The following PRKAG2 variants were observed in gnomAD, a reference collection of about 807,000 sequenced individuals.
The protein encoded by PRKAG2 is 5'-AMP-activated protein kinase subunit gamma-2.
Under a neutral mutation model 69.6 loss-of-function variants are expected in PRKAG2, and 26 were observed. The observed-to-expected ratio is 0.37, with a 90% confidence interval of 0.27 to 0.52. The LOEUF (loss-of-function observed/expected upper bound fraction) is 0.52, where lower values mean the gene tolerates loss of function less well. PRKAG2 is among the 20% of genes least tolerant of loss of function. The probability of loss-of-function intolerance (pLI) is 0.90; values close to 1 mark genes in which losing one functional copy is unlikely to be tolerated. For missense variants in PRKAG2, 557 were observed against 740.0 expected, an observed-to-expected ratio of 0.75 and a Z score of 2.87; for synonymous variants, 293 against 285.0, an observed-to-expected ratio of 1.03 and a Z score of -0.28.
In PRKAG2 at chr7:151,574,773, C is replaced by T. The variant is rs1207134432; in HGVS notation, c.1005+118G>A. Reference sequence around the variant, plus strand: ...GATTTGGAAAATCACCATCAGCACACCATACCAAAAAAGAAAAAACTGAAA... The same window carrying T: ...GATTTGGAAAATCACCATCAGCACATCATACCAAAAAAGAAAAAACTGAAA... On this transcript the variant is annotated intron_variant, in intron 8 of 15. Transcript: ENST00000287878. 2.1e-6 allele frequency: 3 copies of T among 1,451,752 alleles called. No individual in the cohort carries two copies. In the African/African-American group the frequency reaches 4.3e-5, roughly 21 times the overall value. 89.9% of individuals were successfully genotyped at this position (1,451,752 alleles called of 1,614,324 possible). A position where few individuals can be genotyped will look rare whatever the true frequency, so the allele number is the denominator to read the frequency against.
At chr7:151,603,154 C>T (rs1262763765) in intron 5 of PRKAG2, among the ~76,000 whole-genome samples, 1 of 149,136 alleles carries the variant, frequency 6.7e-6, no homozygotes, top group Non-Finnish European at 1.5e-5. Context: ...CGGAGGGACA[C>T]GCTCCGTCCT....
At chr7:151,764,461 T>G (rs926433556) in intron 3 of PRKAG2, among the ~76,000 whole-genome samples, 2 of 152,194 alleles carry the variant, frequency 1.3e-5, no homozygotes, top group African/African-American at 4.8e-5. Flanking sequence ...TGCTGACACC[T>G]GAGCTGAGGG....
Position 151,814,287 on chromosome 7 carries a change from G to A in PRKAG2, c.115-27746C>T. The A allele has an allele frequency of 3.4e-6, 2 of 580,808 alleles. No individual in the cohort carries two copies. The highest frequency in any genetic ancestry group is 6.1e-5 in the East Asian group (1 of 16,440). 36.0% of individuals were successfully genotyped at this position (580,808 alleles called of 1,614,324 possible). A position where few individuals can be genotyped will look rare whatever the true frequency, so the allele number is the denominator to read the frequency against. ...TCTGATTTAATAAGAGGCTCTTGGA[G>A]AACAAAGCCACAATTCAGCATCAGT... On this transcript the variant is annotated intron_variant, in intron 1 of 15. Coordinates refer to ENST00000287878, the MANE Select transcript of PRKAG2 (RefSeq NM_016203.4). This position sits in a 1 kb window ranked among gnomAD's most constrained non-coding sequence, Gnocchi z 4.8.
At chr7:151,565,943 A>G (rs943100082) in intron 11 of PRKAG2, 58 bp from the exon 12 acceptor site, 2 of 1,549,954 alleles carry the variant, frequency 1.3e-6, no homozygotes, top group Non-Finnish European at 1.8e-6. Context: ...GTCATGTTCA[A>G]AGGTCCAGAT....
chr7:151,598,012 T>A (rs915207153), intron 5 of PRKAG2, among the ~76,000 whole-genome samples: 1 of 152,166 alleles, frequency 6.6e-6, no homozygotes, highest in Admixed American at 6.5e-5. Flanking sequence ...TGCACTGCCA[T>A]GTTGAGTGCA....
At chr7:151,636,068 G>T (rs1825690570) in intron 4 of PRKAG2, among the ~76,000 whole-genome samples, 3 of 151,282 alleles carry the variant, frequency 2.0e-5, no homozygotes. Flanking sequence ...AGCCAAGATG[G>T]TCTCGATCTC....
intron 3 of PRKAG2, among the ~76,000 whole-genome samples, chr7:151,711,465 G>A (rs1172943634): frequency 6.6e-6 from 1 of 152,226 alleles, no homozygotes; most frequent in Non-Finnish European, 1.5e-5. Context: ...AGCACTAACA[G>A]TGCTAGGCTT....
At chr7:151,826,069 T>C (rs1317657667) in intron 1 of PRKAG2, among the ~76,000 whole-genome samples, 2 of 152,052 alleles carry the variant, frequency 1.3e-5, no homozygotes, top group Non-Finnish European at 2.9e-5. Context: ...GTAGAGTACC[T>C]TTTCCCCAGT....
intron 4 of PRKAG2, among the ~76,000 whole-genome samples, chr7:151,644,894 G>T (rs1369225051): frequency 2.0e-5 from 3 of 152,142 alleles, no homozygotes; most frequent in Non-Finnish European, 4.4e-5. Context: ...GGGTGTATAG[G>T]TTTCTTGCTG....
intron 10 of PRKAG2, 152 bp from the exon 11 acceptor site, chr7:151,568,994 T>C: frequency 1.1e-6 from 1 of 870,506 alleles, no homozygotes; most frequent in African/African-American, 1.7e-5. Context: ...TCAGCAAATT[T>C]TTCATTTTTC....
chr7:151,724,831 G>A (rs1010767463), intron 3 of PRKAG2, among the ~76,000 whole-genome samples: 8 of 152,034 alleles, frequency 5.3e-5, no homozygotes, highest in African/African-American at 1.9e-4. Flanking sequence ...GGGTGGCACC[G>A]GCACCAGAAA....
chr7:151,725,141 C>T (rs1263564245), intron 3 of PRKAG2, among the ~76,000 whole-genome samples: 1 of 152,114 alleles, frequency 6.6e-6, no homozygotes, highest in African/African-American at 2.4e-5. Context: ...AAGCAACCCA[C>T]GTGTCCATCG....
intron 1 of PRKAG2, among the ~76,000 whole-genome samples, chr7:151,816,483 C>G (rs1054291030): frequency 1.3e-5 from 2 of 152,154 alleles, no homozygotes; most frequent in Non-Finnish European, 2.9e-5. Context: ...TTTGAAAAAC[C>G]AAGCTGAGTG....
intron 14 of PRKAG2, among the ~76,000 whole-genome samples, chr7:151,561,403 A>T (rs1356066827): frequency 2.0e-5 from 3 of 152,242 alleles, no homozygotes; most frequent in Non-Finnish European, 4.4e-5. Flanking sequence ...GAAACGAAGA[A>T]ACAAGGTCGC....
At chr7:151,734,898 A>G (rs1586165570) in intron 3 of PRKAG2, among the ~76,000 whole-genome samples, 1 of 119,450 alleles carries the variant, frequency 8.4e-6, no homozygotes, top group Non-Finnish European at 1.6e-5. Flanking sequence ...TCTGTCGCCC[A>G]GGCTGAAGTG....
chr7:151,839,057 G>A (rs1172581886), intron 1 of PRKAG2, among the ~76,000 whole-genome samples: 1 of 150,502 alleles, frequency 6.6e-6, no homozygotes, highest in Non-Finnish European at 1.5e-5. Context: ...TTCCTCTGAA[G>A]CCAGCTCTGC....
chr7:151,752,140 T>C (rs149097439), intron 3 of PRKAG2, among the ~76,000 whole-genome samples: 4 of 152,234 alleles, frequency 2.6e-5, no homozygotes, highest in African/African-American at 4.8e-5. Flanking sequence ...AATGAAGACA[T>C]GGAATCAACC....
intron 11 of PRKAG2, chr7:151,566,675 C>A: frequency 7.6e-6 from 3 of 396,182 alleles, no homozygotes; most frequent in Non-Finnish European, 1.5e-5. Flanking sequence ...TCAAAGAGTT[C>A]ATCAATATTC....
chr7:151,841,743 ATAG>A (rs1317492190), intron 1 of PRKAG2, among the ~76,000 whole-genome samples: 5 of 133,300 alleles, frequency 3.8e-5, no homozygotes, highest in Admixed American at 1.5e-4. Flanking sequence ...GATGGTAGTG[ATAG>A]TAGGTAGTAA....
Sources: gnomAD v4.1 joint callset for allele counts (sites outside exome capture counted in the v4.1 genomes callset) on GRCh38, gnomAD v4.1.1 for gene constraint, Gnocchi (gnomAD v3.1) non-coding constraint, MANE v1.5 for transcripts, NCBI Gene and HGNC (gene_info 2026-07-23, HGNC 2026-07-21) for gene names.